Variants in ZNF804A observed in about 807,000 individuals in gnomAD.
The protein encoded by ZNF804A is zinc finger protein 804A.
ZNF804A carries 2 observed loss-of-function variants against 16.5 expected under a neutral mutation model. The observed-to-expected ratio is 0.12, with a 90% CI of 0.05 to 0.38. ZNF804A has a LOEUF of 0.38. ZNF804A is among the 10% of genes least tolerant of loss of function. The pLI, the probability that ZNF804A is intolerant of heterozygous loss-of-function variation, is 0.99. For missense variants in ZNF804A, 1,473 were observed against 1,390.7 expected (o/e 1.06, Z -0.94); for synonymous variants, 534 against 489.6 (o/e 1.09, Z -1.20).
At chr2:184,713,607 T>C (rs1262795170) in intron 1 of ZNF804A, among the ~76,000 whole-genome samples, 1 of 151,994 alleles carries the variant, frequency 6.6e-6, no homozygotes, top group Admixed American at 6.6e-5. Flanking sequence ...TACCAACATG[T>C]ACAGAACAAT....
intron 2 of ZNF804A, among the ~76,000 whole-genome samples, chr2:184,870,662 A>T (rs1397890890): frequency 3.3e-5 from 5 of 152,060 alleles, no homozygotes; most frequent in African/African-American, 1.2e-4. Flanking sequence ...TCATATATAT[A>T]AGTGTAAAAA....
chr2:184,765,988 A>G (rs536363275), intron 1 of ZNF804A, among the ~76,000 whole-genome samples: 1 of 152,294 alleles, frequency 6.6e-6, no homozygotes. Flanking sequence ...TTATTTGGTT[A>G]GAGCAGGAGA....
intron 1 of ZNF804A, among the ~76,000 whole-genome samples, chr2:184,815,820 C>A (rs191832363): frequency 6.6e-6 from 1 of 152,040 alleles, no homozygotes; most frequent in East Asian, 1.9e-4. Flanking sequence ...CACATTGACT[C>A]TATCAAGATG....
intron 1 of ZNF804A, among the ~76,000 whole-genome samples, chr2:184,665,440 G>A (rs146205542): frequency 6.6e-6 from 1 of 152,130 alleles, no homozygotes; most frequent in African/African-American, 2.4e-5. Context: ...TAAATTTTGG[G>A]ATTCCAATTT....
chr2:184,604,146 CTTTTTTTTTTTTTTTTTTTTTTTTTT>C (rs759053144), intron 1 of ZNF804A, among the ~76,000 whole-genome samples: 7 of 44,898 alleles, frequency 1.6e-4, no homozygotes, highest in African/African-American at 2.1e-4. Context: ...ACTGCAATTA[CTTTTTTTTTTTTTTTTTTTTTTTTTT>C]TTTTTTTTTT....
chr2:184,896,428 G>T (rs1685070602), intron 2 of ZNF804A, among the ~76,000 whole-genome samples: 2 of 152,066 alleles, frequency 1.3e-5, no homozygotes, highest in South Asian at 4.1e-4. Flanking sequence ...TCAATCAATA[G>T]GTTCCTGCTT....
At chr2:184,822,091 T>G (rs1369365693) in intron 1 of ZNF804A, among the ~76,000 whole-genome samples, 3 of 152,078 alleles carry the variant, frequency 2.0e-5, no homozygotes, top group Non-Finnish European at 4.4e-5. Flanking sequence ...TAAATCATAC[T>G]TCGGTAAAGA....
intron 1 of ZNF804A, among the ~76,000 whole-genome samples, chr2:184,701,811 T>C (rs1291846828): frequency 6.6e-6 from 1 of 151,990 alleles, no homozygotes; most frequent in Non-Finnish European, 1.5e-5. Context: ...TAGAGTTAAC[T>C]GAGTGTTGTT....
chr2:184,605,942 C>T (rs1347061043), intron 1 of ZNF804A, among the ~76,000 whole-genome samples: 1 of 152,044 alleles, frequency 6.6e-6, no homozygotes, highest in Admixed American at 6.6e-5. Flanking sequence ...TAAACAAAAT[C>T]CATTACCTGA....
chr2:184,927,337 C>T (rs1685627385), intron 2 of ZNF804A, among the ~76,000 whole-genome samples: 1 of 152,222 alleles, frequency 6.6e-6, no homozygotes, highest in Non-Finnish European at 1.5e-5. Context: ...TTACTTTCTT[C>T]CAAACAAATG....
chr2:184,898,290 A>C (rs983636557), intron 2 of ZNF804A, among the ~76,000 whole-genome samples: 7 of 152,218 alleles, frequency 4.6e-5, no homozygotes, highest in Admixed American at 3.3e-4. Context: ...CTGCAAAAAC[A>C]ATGTGAAGCT....
chr2:184,927,590 G>A (rs528907296), intron 2 of ZNF804A, among the ~76,000 whole-genome samples: 1 of 152,194 alleles, frequency 6.6e-6, no homozygotes, highest in African/African-American at 2.4e-5. Flanking sequence ...CAGGCCCCAG[G>A]TGGGTCCAGA....
intron 2 of ZNF804A, among the ~76,000 whole-genome samples, chr2:184,911,599 C>A (rs973598461): frequency 1.3e-5 from 2 of 151,930 alleles, no homozygotes; most frequent in Non-Finnish European, 2.9e-5. Context: ...TTTTCTAATT[C>A]ATGAGCATGG....
intron 1 of ZNF804A, among the ~76,000 whole-genome samples, chr2:184,613,724 C>A (rs1225179015): frequency 6.6e-6 from 1 of 152,076 alleles, no homozygotes; most frequent in Non-Finnish European, 1.5e-5. Context: ...ATACAACTTA[C>A]ATGGAATGTG....
intron 2 of ZNF804A, among the ~76,000 whole-genome samples, chr2:184,931,542 A>T (rs1009881178): frequency 6.6e-6 from 1 of 152,156 alleles, no homozygotes; most frequent in Non-Finnish European, 1.5e-5. Flanking sequence ...GCAGGGCAGT[A>T]AGTCCTGAGA....
intron 1 of ZNF804A, among the ~76,000 whole-genome samples, chr2:184,721,583 A>G (rs1471091490): frequency 6.6e-6 from 1 of 152,126 alleles, no homozygotes; most frequent in African/African-American, 2.4e-5. Context: ...ACAAAAAAAT[A>G]ACAGGTGCTG....
intron 1 of ZNF804A, among the ~76,000 whole-genome samples, chr2:184,803,948 C>T (rs555894138): frequency 5.9e-5 from 9 of 152,086 alleles, no homozygotes; most frequent in East Asian, 1.9e-4. Flanking sequence ...CTGCAACCTC[C>T]GCCTCCCGGG....
rs146369433 is a variant in ZNF804A at position 184,642,037 on chromosome 2, T to G, written c.111+42967T>G. Among the ~76,000 whole-genome samples the G allele has an allele frequency of 9.6e-3, 1,464 of 152,046 alleles. 26 individuals carry two copies. The highest frequency in any genetic ancestry group is 0.034 in the African/African-American group (1,395 of 41,430). The stretch of plus-strand genomic sequence containing the variant: ...TTCTCATCAAGCACACACACACACA[T>G]GCACACATTTATGCACGTGACCATG... On this transcript the variant is annotated intron_variant, in intron 1 of 3. Coordinates refer to ENST00000302277, the MANE Select transcript of ZNF804A (RefSeq NM_194250.2).
intron 1 of ZNF804A, among the ~76,000 whole-genome samples, chr2:184,615,689 C>T (rs147936240): frequency 6.6e-6 from 1 of 151,958 alleles, no homozygotes; most frequent in Non-Finnish European, 1.5e-5. Flanking sequence ...CAATCTCAAG[C>T]CCAATAATAG....
Sources: gnomAD v4.1 joint callset for allele counts (sites outside exome capture counted in the v4.1 genomes callset) on GRCh38, gnomAD v4.1.1 for gene constraint, MANE v1.5 for transcripts, NCBI Gene and HGNC (gene_info 2026-07-23, HGNC 2026-07-21) for gene names.